FAM234A: variants seen among roughly 807,000 people sequenced by gnomAD.
FAM234A encodes the protein family with sequence similarity 234 member A.
A neutral mutation model predicts 49.1 loss-of-function variants in FAM234A; 42 were observed. That is an observed-to-expected ratio of 0.86 (90% CI 0.67 to 1.11). The LOEUF is 1.11. Among genes scored for constraint, FAM234A ranks in the 50% least tolerant of loss-of-function variants. FAM234A has a pLI of 0.00. For missense variants in FAM234A, 815 were observed against 745.2 expected (o/e 1.09, Z -1.09); for synonymous variants, 369 against 316.2 (o/e 1.17, Z -1.77).
At chr16:238,765 C>CAAAA (rs34366851) in intron 1 of FAM234A, among the ~76,000 whole-genome samples, 14 of 37,848 alleles carry the variant, frequency 3.7e-4, no homozygotes, top group South Asian at 1.2e-3. Context: ...GACTCCGTCT[C>CAAAA]AAAAAAAAAA....
chr16:252,002 CA>C (rs1203781848), intron 2 of FAM234A, among the ~76,000 whole-genome samples: 514 of 48,068 alleles, frequency 0.011, 2 homozygotes, highest in East Asian at 0.085. Flanking sequence ...GACTCCGTCT[CA>C]AAAAAAAAAA....
chr16:235,602 C>G (rs1269757411), intron 1 of FAM234A, among the ~76,000 whole-genome samples: 1 of 152,210 alleles, frequency 6.6e-6, no homozygotes, highest in African/African-American at 2.4e-5. Flanking sequence ...GCTGAGGAGG[C>G]TGTGACGCGC....
At chr16:269,895 A>G (rs2051841594), downstream of FAM234A, 6 of 327,442 alleles carry the variant, frequency 1.8e-5, no homozygotes, top group East Asian at 3.1e-4. Flanking sequence ...TGCCCCACAG[A>G]GTGAGGGCAG....
chr16:262,473 C>T lies in FAM234A; in HGVS notation c.891C>T (p.Thr297=), dbSNP rs775376009. 8 of 1,611,980 alleles carry T rather than the reference C, an allele frequency of 5.0e-6. No homozygotes were observed. The highest frequency in any genetic ancestry group is 1.6e-4 in the Middle Eastern group (1 of 6,076). Residue 297 remains threonine, a synonymous_variant, in exon 8 of 13, where the codon ACC becomes ACT. Coordinates refer to ENST00000399932, the MANE Select transcript of FAM234A (RefSeq NM_032039.4). ...TGAAGGGTCTCTACGAGAAGGTGAC[C>T]GGGAGCGGCGGCCCGTTCAAGAGTG... ...CSVKGLYEKV[T]GSGGPFKSDP...
At chr16:256,970 G>A (rs1257635772) in intron 3 of FAM234A, among the ~76,000 whole-genome samples, 2 of 152,100 alleles carry the variant, frequency 1.3e-5, no homozygotes, top group African/African-American at 2.4e-5. Flanking sequence ...TTGAATTCCC[G>A]ACCTTAGGTG....
intron 1 of FAM234A, among the ~76,000 whole-genome samples, chr16:249,016 C>T (rs964511055): frequency 6.6e-6 from 1 of 151,958 alleles, no homozygotes; most frequent in Non-Finnish European, 1.5e-5. Flanking sequence ...TTGGTCATAG[C>T]TTACATATTA....
chr16:261,955 C>G (rs1046870758), intron 6 of FAM234A, 138 bp from the exon 7 acceptor site: 2 of 1,225,612 alleles, frequency 1.6e-6, no homozygotes, highest in Non-Finnish European at 2.3e-6. Context: ...AGTGCCCCGC[C>G]CCCAGGCTCA....
At chr16:258,451 C>G (rs2051326019) in intron 3 of FAM234A, among the ~76,000 whole-genome samples, 1 of 152,190 alleles carries the variant, frequency 6.6e-6, no homozygotes, top group Admixed American at 6.5e-5. Context: ...GCACATGTTT[C>G]AGAGAGCACA....
intron 2 of FAM234A, among the ~76,000 whole-genome samples, chr16:251,764 G>T (rs1220313730): frequency 6.9e-6 from 1 of 145,824 alleles, no homozygotes; most frequent in East Asian, 2.1e-4. Flanking sequence ...AGCAGTTTGG[G>T]AGGCCAGTGC....
intron 6 of FAM234A, 138 bp from the exon 7 acceptor site, chr16:261,955 C>A: frequency 8.2e-7 from 1 of 1,225,612 alleles, no homozygotes; most frequent in East Asian, 2.4e-5. Flanking sequence ...AGTGCCCCGC[C>A]CCCAGGCTCA....
intron 1 of FAM234A, among the ~76,000 whole-genome samples, chr16:237,585 C>G (rs1482848815): frequency 2.6e-5 from 4 of 152,082 alleles, no homozygotes; most frequent in Non-Finnish European, 2.9e-5. Context: ...TGGCAGGAGC[C>G]CTCAGTTCCT....
At position 262,092 on chromosome 16, in the gene FAM234A, G is replaced by A. The variant is rs1178185906; in HGVS notation, c.709-1G>A. 6.2e-7 allele frequency: 1 copy of A among 1,613,708 alleles called. No homozygotes were observed. The highest frequency in any genetic ancestry group is 1.3e-5 in the African/African-American group (1 of 74,924). ...TCCTGTGTCATCCTGTGTCATTGCA[G>A]GTTAGTGGCCACCTCTACTCCGGCA... On this transcript the variant is annotated splice_acceptor_variant, in intron 6 of 12. Transcript: ENST00000399932. LOFTEE classifies it high-confidence loss of function.
Position 265,039 on chromosome 16 carries a change from G to A in FAM234A, c.*17G>A, listed in dbSNP as rs1462086254. On this transcript the variant is annotated 3_prime_UTR_variant, in exon 13 of 13. Transcript: ENST00000399932. The stretch of plus-strand genomic sequence containing the variant: ...GAGGCGTAGAGGCACGCCAGCCAGA[G>A]CCTGTGGAGAGACTCCGCCTGCTGA... 5.1e-6 allele frequency: 8 copies of A among 1,583,498 alleles called. No homozygotes were observed. The East Asian group carries it at 1.8e-4, about 36-fold the overall frequency.
At chr16:248,169 A>C (rs2050880764) in intron 1 of FAM234A, 1 of 152,060 alleles carries the variant, frequency 6.6e-6, no homozygotes, top group Non-Finnish European at 1.5e-5. Flanking sequence ...GACACAGATG[A>C]CCCAAATCCC....
At chr16:269,399 C>G (rs916194), downstream of FAM234A, 151,998 of 1,591,920 alleles carry the variant, frequency 0.095, 9,328 homozygotes, top group East Asian at 0.29. Context: ...GGCGAGAAGG[C>G]GGCTGAGAAC....
intron 1 of FAM234A, among the ~76,000 whole-genome samples, chr16:239,947 C>G (rs1432235379): frequency 1.3e-5 from 2 of 152,110 alleles, no homozygotes; most frequent in South Asian, 4.2e-4. Flanking sequence ...TGGGCCTGTT[C>G]TTTGTCTTGA....
chr16:236,712 G>C lies in FAM234A; in HGVS notation c.-140+1855G>C, dbSNP rs192812373. ...ACGAGGTCAGGAGATCGAGACCATC[G>C]TGGCTAACACGGTGAAACCCCGTCT... On this transcript the variant is annotated intron_variant, in intron 1 of 12. Transcript: ENST00000399932. Among the ~76,000 whole-genome samples, 1,094 of 149,630 alleles carry C rather than the reference G, an allele frequency of 7.3e-3. 17 individuals are homozygous for C. The highest frequency in any genetic ancestry group is 0.026 in the African/African-American group (1,048 of 40,890).
At chr16:269,361 G>T (rs1567233530), downstream of FAM234A, 2 of 1,603,624 alleles carry the variant, frequency 1.2e-6, no homozygotes, top group Middle Eastern at 3.4e-4. Flanking sequence ...GAGTGCCGTG[G>T]CCTCCACGTA....
At chr16:262,911 C>G (rs2051532525) in intron 8 of FAM234A, among the ~76,000 whole-genome samples, 1 of 151,424 alleles carries the variant, frequency 6.6e-6, no homozygotes, top group South Asian at 2.1e-4. Context: ...CCTCCGCCTC[C>G]CGGGTTCAAG....
Sources: allele counts gnomAD v4.1 joint callset (sites outside exome capture counted in the v4.1 genomes callset), GRCh38; gene constraint gnomAD v4.1.1; transcripts MANE v1.5; gene names NCBI Gene and HGNC (gene_info 2026-07-23, HGNC 2026-07-21).